ZNRF1: variants seen among roughly 807,000 people sequenced by gnomAD.
The protein encoded by ZNRF1 is E3 ubiquitin-protein ligase ZNRF1.
ZNRF1 carries 3 observed loss-of-function variants against 18.4 expected under a neutral mutation model. The ratio of observed to expected loss-of-function variants is 0.16; its 90% CI spans 0.07 to 0.42. The LOEUF (loss-of-function observed/expected upper bound fraction) is 0.42. ZNRF1 is among the 10% of genes least tolerant of loss of function. The pLI is 0.99. For missense variants in ZNRF1, 310 were observed against 329.8 expected, an observed-to-expected ratio of 0.94 and a Z score of 0.47; for synonymous variants, 157 against 144.2, an observed-to-expected ratio of 1.09 and a Z score of -0.64.
At chr16:75,063,403 G>GC (rs1047451343) in intron 1 of ZNRF1, among the ~76,000 whole-genome samples, 2 of 152,136 alleles carry the variant, frequency 1.3e-5, no homozygotes, top group Non-Finnish European at 2.9e-5. Context: ...CACCAGCCAG[G>GC]CCCCACCTGC....
chr16:75,076,249 T>C (rs1301810829), intron 1 of ZNRF1, among the ~76,000 whole-genome samples: 1 of 152,214 alleles, frequency 6.6e-6, no homozygotes, highest in East Asian at 1.9e-4. Flanking sequence ...GGTTCTGAAC[T>C]TTTGGGTTCT....
intron 1 of ZNRF1, among the ~76,000 whole-genome samples, chr16:75,084,241 T>C (rs1456436083): frequency 1.3e-5 from 2 of 152,200 alleles, no homozygotes; most frequent in African/African-American, 2.4e-5. Flanking sequence ...GCAGTCATTA[T>C]ATATGGATGG....
intron 1 of ZNRF1, among the ~76,000 whole-genome samples, chr16:75,003,813 A>G (rs2034883911): frequency 1.3e-5 from 2 of 152,180 alleles, no homozygotes; most frequent in Admixed American, 1.3e-4. Context: ...TAAAATGTAG[A>G]AGACGCCTGT....
chr16:75,070,171 G>A (rs1013443585), intron 1 of ZNRF1, among the ~76,000 whole-genome samples: 4 of 152,144 alleles, frequency 2.6e-5, no homozygotes, highest in African/African-American at 9.7e-5. Flanking sequence ...TGGATTCTAA[G>A]TCCAGCAGAT....
intron 2 of ZNRF1, among the ~76,000 whole-genome samples, chr16:75,103,657 T>C (rs960291526): frequency 6.6e-6 from 1 of 152,172 alleles, no homozygotes; most frequent in Non-Finnish European, 1.5e-5. Context: ...ATAGAGCATA[T>C]GTTAGTCTTA....
At chr16:75,072,889 G>A (rs1392980547) in intron 1 of ZNRF1, among the ~76,000 whole-genome samples, 5 of 152,212 alleles carry the variant, frequency 3.3e-5, no homozygotes, top group African/African-American at 1.2e-4. Flanking sequence ...AGCCCCTCCA[G>A]CTTCCCCTCT....
chr16:75,035,578 A>G (rs956789894), intron 1 of ZNRF1, among the ~76,000 whole-genome samples: 1 of 152,200 alleles, frequency 6.6e-6, no homozygotes, highest in Non-Finnish European at 1.5e-5. Flanking sequence ...AAAAAGCTTT[A>G]AAGCAGGAAA....
intron 2 of ZNRF1, chr16:75,095,558 G>A (rs1245972222): frequency 6.7e-7 from 1 of 1,488,044 alleles, no homozygotes; most frequent in East Asian, 2.5e-5. Context: ...TGTCCTGTGG[G>A]TTGCTAGGGC....
intron 1 of ZNRF1, among the ~76,000 whole-genome samples, chr16:75,071,868 G>A (rs549356812): frequency 2.0e-5 from 3 of 152,082 alleles, no homozygotes; most frequent in African/African-American, 4.8e-5. Context: ...ATGCCCCCTC[G>A]ACCTGCAACT....
At chr16:75,025,004 G>A (rs2035201612) in intron 1 of ZNRF1, among the ~76,000 whole-genome samples, 1 of 152,014 alleles carries the variant, frequency 6.6e-6, no homozygotes, top group Non-Finnish European at 1.5e-5. Flanking sequence ...CTTATTTAAT[G>A]TCCTCTTCAT....
intron 1 of ZNRF1, chr16:75,000,439 G>A: frequency 2.1e-6 from 1 of 469,606 alleles, no homozygotes; most frequent in Non-Finnish European, 4.2e-6. Flanking sequence ...TTCTGCCACT[G>A]CAGCACTGTG....
rs2035165820 is a variant in ZNRF1 at position 75,022,527 on chromosome 16, C to G, written c.424+22432C>G. On this transcript the variant is annotated intron_variant, in intron 1 of 4. Coordinates refer to ENST00000335325, the MANE Select transcript of ZNRF1 (RefSeq NM_032268.5). The stretch of plus-strand genomic sequence containing the variant: ...CTTGCAGTGAGCCGAGATTGTGCCA[C>G]TGCACTCCAGCCTGGGCGACAAAGC... 2.6e-5 allele frequency among the ~76,000 whole-genome samples: 4 copies of G among 151,734 alleles called. No homozygotes were observed. In the South Asian group the frequency reaches 8.3e-4, roughly 31 times the overall value.
chr16:75,073,721 A>T (rs187904950), intron 1 of ZNRF1, among the ~76,000 whole-genome samples: 134 of 152,138 alleles, frequency 8.8e-4, no homozygotes, highest in Admixed American at 1.9e-3. Flanking sequence ...CATCATGTAC[A>T]TGCTCTGCGG....
intron 1 of ZNRF1, among the ~76,000 whole-genome samples, chr16:75,040,598 G>GTTTTT (rs61513153): frequency 1.4e-3 from 63 of 46,362 alleles, no homozygotes; most frequent in African/African-American, 2.9e-3. Flanking sequence ...TTTTTTGTGG[G>GTTTTT]TTTTTTTTTT....
intron 1 of ZNRF1, among the ~76,000 whole-genome samples, chr16:75,025,551 A>G (rs1374093680): frequency 2.6e-5 from 4 of 152,262 alleles, no homozygotes; most frequent in African/African-American, 4.8e-5. Context: ...ATGAGTTGTT[A>G]TAAGACTACC....
At chr16:75,052,395 T>A in intron 1 of ZNRF1, among the ~76,000 whole-genome samples, 1 of 149,626 alleles carries the variant, frequency 6.7e-6, no homozygotes. Flanking sequence ...AGCCAGACCC[T>A]GTCTCAAAAA....
intron 1 of ZNRF1, among the ~76,000 whole-genome samples, chr16:75,086,717 T>C (rs1415915366): frequency 2.0e-5 from 3 of 152,170 alleles, no homozygotes; most frequent in Admixed American, 6.5e-5. Context: ...GACGGAAAGA[T>C]TGAGGCTGGA....
At chr16:75,080,719 A>T (rs1234330748) in intron 1 of ZNRF1, among the ~76,000 whole-genome samples, 1 of 151,924 alleles carries the variant, frequency 6.6e-6, no homozygotes, top group Non-Finnish European at 1.5e-5. Context: ...ATCAATAAAG[A>T]CTCCAGCTGG....
chr16:75,093,931 C>T (rs896145696), intron 2 of ZNRF1, among the ~76,000 whole-genome samples: 1 of 152,180 alleles, frequency 6.6e-6, no homozygotes, highest in Non-Finnish European at 1.5e-5. Flanking sequence ...CAGTTAGGCC[C>T]CTGCCTCTCT....
Sources: gnomAD v4.1 joint callset for allele counts (sites outside exome capture counted in the v4.1 genomes callset) on GRCh38, gnomAD v4.1.1 for gene constraint, MANE v1.5 for transcripts, NCBI Gene and HGNC (gene_info 2026-07-23, HGNC 2026-07-21) for gene names.